The following PRKAG3 variants were observed in gnomAD, a reference collection of about 807,000 sequenced individuals.
PRKAG3 encodes the protein protein kinase AMP-activated non-catalytic subunit gamma 3.
In PRKAG3, 39 loss-of-function variants were observed where a neutral mutation model predicts 56.5. The observed-to-expected ratio is 0.69, with a 90% confidence interval of 0.53 to 0.90. PRKAG3 has a LOEUF of 0.90. Ranked by LOEUF, PRKAG3 falls within the 40% of genes least tolerant of loss-of-function variation. The pLI is 0.00. For synonymous variants in PRKAG3, 243 were observed against 250.1 expected, an observed-to-expected ratio of 0.97 and a Z score of 0.27; for missense variants, 628 against 627.5, an observed-to-expected ratio of 1.00 and a Z score of -0.01.
chr2:218,827,584 GGA>G lies in PRKAG3; in HGVS notation c.864_865del (p.Pro289Ter), dbSNP rs1257575505. 6.2e-7 allele frequency: 1 copy of G among 1,613,882 alleles called. No individual in the cohort carries two copies. The highest frequency in any genetic ancestry group is 8.5e-7 in the Non-Finnish European group (1 of 1,179,814). On this transcript the variant is annotated frameshift_variant, in exon 8 of 13. Coordinates refer to ENST00000529249, the Ensembl canonical transcript of PRKAG3. LOFTEE classifies it high-confidence loss of function. This position sits in a 1 kb window ranked among gnomAD's most constrained non-coding sequence, Gnocchi z 5.3. The stretch of plus-strand genomic sequence containing the variant: ...GAGCAGAGACACCCACCTATCATTA[GGA>G]GAGATGGAGACCAGAGGCTTGAAGC...
rs756858139 is a variant in PRKAG3 at position 218,830,271 on chromosome 2, A to AC, written c.339dup (p.Trp114ValfsTer7). The AC allele has an allele frequency of 1.2e-6, 2 of 1,613,720 alleles. No individual in the cohort carries two copies. The highest frequency in any genetic ancestry group is 8.5e-7 in the Non-Finnish European group (1 of 1,179,898). ...GTACAGTCAGAGGGGAGGCAGTCCC[A>AC]CCCTGTTGGTGGAGTGCCCACCCCG... On this transcript the variant is annotated frameshift_variant, in exon 4 of 13. Transcript: ENST00000529249. LOFTEE classifies it high-confidence loss of function.
At chr2:218,824,663 G>T in intron 10 of PRKAG3, 87 bp from the exon 11 acceptor site, 1 of 1,227,440 alleles carries the variant, frequency 8.1e-7, no homozygotes, top group Non-Finnish European at 1.2e-6. Context: ...AGGGCCTAGG[G>T]CTATTTGCAT....
intron 1 of PRKAG3, 89 bp downstream of exon 1, chr2:218,831,647 GAC>G: frequency 6.7e-7 from 1 of 1,489,560 alleles, no homozygotes; most frequent in Non-Finnish European, 9.2e-7. Context: ...CACACCAGAA[GAC>G]ACACACGCCC....
chr2:218,823,418 C>A (rs183296889), exon 13 of PRKAG3: 5 of 349,676 alleles, frequency 1.4e-5, no homozygotes, highest in Middle Eastern at 9.6e-4. Context: ...GAAGTCACAT[C>A]GCAGCCTTAG....
At position 218,828,517 on chromosome 2, in the gene PRKAG3, A is replaced by G. The variant is rs543392106; in HGVS notation, c.715+2T>C. ...CCCTTCACCTCCCCAGCCTCTCCTCACCCACAAAGCTCTGCTTCTTGCTGT... is the reference window on the plus strand; with the variant it reads ...CCCTTCACCTCCCCAGCCTCTCCTCGCCCACAAAGCTCTGCTTCTTGCTGT... On this transcript the variant is annotated splice_donor_variant, in intron 5 of 12. Coordinates refer to ENST00000529249, the Ensembl canonical transcript of PRKAG3. LOFTEE classifies it high-confidence loss of function. The G allele has an allele frequency of 6.2e-6, 10 of 1,611,740 alleles. No homozygotes were observed. In the African/African-American group the frequency reaches 1.3e-4, roughly 22 times the overall value.
chr2:218,824,821 C>T (rs914414271), intron 10 of PRKAG3, among the ~76,000 whole-genome samples: 1 of 152,134 alleles, frequency 6.6e-6, no homozygotes, highest in Non-Finnish European at 1.5e-5. Context: ...CAAATCTCTT[C>T]AAGCCTTTAG....
rs771895241 is a variant in PRKAG3, at chr2:218,827,288, T to A, written c.961A>T (p.Ile321Phe). ...TTGAGCAGGCGTTTGTGTGTGAGGA[T>A]GTGGAGTACGTTGCCTGACACCGGG... The change falls in exon 9 of 13, where the codon ATC becomes TTC. Residue 321 changes from isoleucine to phenylalanine, a missense_variant. Transcript: ENST00000529249. This position sits in a 1 kb window ranked among gnomAD's most constrained non-coding sequence, Gnocchi z 5.3. The A allele has an allele frequency of 6.2e-6, 10 of 1,614,046 alleles. No homozygotes were observed. Among genetic ancestry groups the A allele is most frequent in the Non-Finnish European group, 8.5e-6 (10 of 1,180,028 alleles).
exon 5 of PRKAG3, chr2:218,828,521 A>C: frequency 6.2e-7 from 1 of 1,612,780 alleles, no homozygotes; most frequent in South Asian, 1.1e-5. Context: ...CTCCTCACCC[A>C]CAAAGCTCTG....
chr2:218,823,723 A>G, exon 13 of PRKAG3: 1 of 1,612,906 alleles, frequency 6.2e-7, no homozygotes, highest in Non-Finnish European at 8.5e-7. Context: ...ATTGGCTTCC[A>G]GGTGTGCAGG....
chr2:218,824,003 A>G, intron 12 of PRKAG3, 125 bp from the exon 13 acceptor site: 1 of 1,229,550 alleles, frequency 8.1e-7, no homozygotes. Flanking sequence ...CCTAGAAACC[A>G]GTTAGGGATG....
chr2:218,831,109 G>A lies in PRKAG3; in HGVS notation c.74-208C>T, dbSNP rs143822283. Reference sequence around the variant, plus strand: ...GGGACCAGAAATTCAGAGAGGTTAAGCAATTTGCTGCAAATCACACAGCAA... The same window carrying A: ...GGGACCAGAAATTCAGAGAGGTTAAACAATTTGCTGCAAATCACACAGCAA... On this transcript the variant is annotated intron_variant, in intron 2 of 12. Transcript: ENST00000529249. Among the ~76,000 whole-genome samples, 310 of 152,296 alleles carry A rather than the reference G, an allele frequency of 2.0e-3. 2 individuals carry two copies. Among genetic ancestry groups the A allele is most frequent in the African/African-American group, 7.2e-3 (300 of 41,554 alleles).
At chr2:218,830,667 G>C in intron 3 of PRKAG3, 79 bp downstream of exon 3, 2 of 1,517,334 alleles carry the variant, frequency 1.3e-6, no homozygotes, top group Non-Finnish European at 1.8e-6. Context: ...AGGGACCTGA[G>C]GTAGAGACCA....
intron 1 of PRKAG3, 115 bp downstream of exon 1, chr2:218,831,623 A>T (rs963877965): frequency 7.2e-7 from 1 of 1,397,772 alleles, no homozygotes; most frequent in African/African-American, 1.4e-5. Flanking sequence ...TCACGAGAAA[A>T]TCCAGACCAA....
At chr2:218,823,462 A>G in exon 13 of PRKAG3, 1 of 434,016 alleles carries the variant, frequency 2.3e-6, no homozygotes, top group Non-Finnish European at 4.3e-6. Context: ...CCCTTCTAGG[A>G]CAGTCTCCAT....
At chr2:218,830,050 G>T in exon 4 of PRKAG3, 1 of 1,614,092 alleles carries the variant, frequency 6.2e-7, no homozygotes, top group Admixed American at 1.7e-5. Context: ...GCTCCTGCAT[G>T]AAGCGCATGT....
intron 10 of PRKAG3, chr2:218,826,648 T>C (rs1463052323): frequency 4.6e-6 from 2 of 436,224 alleles, no homozygotes; most frequent in Non-Finnish European, 8.6e-6. Flanking sequence ...TGCTGCTTCC[T>C]CTCGCTATGC....
intron 3 of PRKAG3, 150 bp from the exon 4 acceptor site, chr2:218,830,531 G>C (rs1465841795): frequency 1.9e-5 from 23 of 1,202,612 alleles, no homozygotes; most frequent in Non-Finnish European, 2.7e-5. Context: ...AGTCGCCCCA[G>C]GTAGTGGCTC....
rs200343848 is a variant in PRKAG3, at chr2:218,827,060, G to A, written c.1036C>T (p.Arg346Cys). The change falls in exon 10 of 13, where the codon CGC becomes TGC. Residue 346 changes from arginine (R) to cysteine (C), a missense_variant. Coordinates refer to ENST00000529249, the Ensembl canonical transcript of PRKAG3. This position sits in a 1 kb window ranked among gnomAD's most constrained non-coding sequence, Gnocchi z 5.3. ...CCGATGCCCAAATCTTGGATAGTGC[G>A]GTAGAGGAAGGAGGGCCGGGGCAGC... 202 of 1,613,778 alleles carry A rather than the reference G, an allele frequency of 1.3e-4. No homozygotes were observed. Among genetic ancestry groups the A allele is most frequent in the Middle Eastern group, 1.8e-4 (1 of 5,694 alleles).
At chr2:218,825,204 C>T (rs1943914297) in intron 10 of PRKAG3, among the ~76,000 whole-genome samples, 1 of 151,880 alleles carries the variant, frequency 6.6e-6, no homozygotes, top group Non-Finnish European at 1.5e-5. Context: ...GGTGTGATGG[C>T]ACGCACCTGT....
Sources: gnomAD v4.1 joint callset for allele counts (sites outside exome capture counted in the v4.1 genomes callset) on GRCh38, gnomAD v4.1.1 for gene constraint, Gnocchi (gnomAD v3.1) non-coding constraint, MANE v1.5 for transcripts, NCBI Gene and HGNC (gene_info 2026-07-23, HGNC 2026-07-21) for gene names.